The following ZCCHC4 variants were observed in gnomAD, a reference collection of about 807,000 sequenced individuals.
The protein encoded by ZCCHC4 is rRNA N(6)-adenosine-methyltransferase ZCCHC4.
Under a neutral mutation model 67.7 loss-of-function variants are expected in ZCCHC4, and 54 were observed. The ratio of observed to expected loss-of-function variants is 0.80; its 90% CI spans 0.64 to 1.00. The LOEUF is 1.00. Among genes scored for constraint, ZCCHC4 ranks in the 50% least tolerant of loss-of-function variants. The pLI is 0.00. For missense variants in ZCCHC4, 609 were observed against 617.0 expected (o/e 0.99, Z 0.14); for synonymous variants, 198 against 213.5 (o/e 0.93, Z 0.63).
rs567140921 is a variant in ZCCHC4 at position 25,342,338 on chromosome 4, G to A, written c.687-3210G>A. ...GGCACTTTGACTTTGGTTTTTTGGT[G>A]CCTTACAACAGGTTTATCCAAGGTT... On this transcript the variant is annotated intron_variant, in intron 5 of 12. Transcript: ENST00000302874. Among the ~76,000 whole-genome samples, 8 of 152,254 alleles carry A rather than the reference G, an allele frequency of 5.3e-5. No homozygotes were observed. In the East Asian group the frequency reaches 1.5e-3, roughly 29 times the overall value.
At chr4:25,363,680 A>G (rs1490691421) in intron 10 of ZCCHC4, among the ~76,000 whole-genome samples, 1 of 152,214 alleles carries the variant, frequency 6.6e-6, no homozygotes, top group Admixed American at 6.5e-5. Flanking sequence ...GATCGTTTAT[A>G]TTTAGTTTTT....
Position 25,314,036 on chromosome 4 carries a change from C to G in ZCCHC4, c.128-10C>G. On this transcript the variant is annotated splice_polypyrimidine_tract_variant and intron_variant, in intron 1 of 12. Transcript: ENST00000302874. ...GACACTTTTTTTTTTTTTTTCTATT[C>G]TGGAACTAGGACCCACTCTTCTGTT... is the stretch of plus-strand genomic sequence containing the variant. 1.7e-5 allele frequency: 16 copies of G among 926,784 alleles called. No homozygotes were observed. Among genetic ancestry groups the G allele is most frequent in the Non-Finnish European group, 2.3e-5 (15 of 655,556 alleles). The allele number at this position is 926,784 out of a possible 1,614,324, so 57.4% of individuals were successfully genotyped here.
At chr4:25,344,956 C>A (rs527644488) in intron 5 of ZCCHC4, among the ~76,000 whole-genome samples, 1 of 152,112 alleles carries the variant, frequency 6.6e-6, no homozygotes, top group Admixed American at 6.5e-5. Context: ...GCATGCATCA[C>A]CACGCCTGGC....
chr4:25,331,759 A>G (rs1452038205), intron 3 of ZCCHC4, among the ~76,000 whole-genome samples: 1 of 152,186 alleles, frequency 6.6e-6, no homozygotes, highest in Non-Finnish European at 1.5e-5. Context: ...GTTTCTTCTA[A>G]TATCCCTCTA....
At chr4:25,330,688 C>T (rs147056353) in intron 3 of ZCCHC4, among the ~76,000 whole-genome samples, 77 of 152,276 alleles carry the variant, frequency 5.1e-4, no homozygotes, top group African/African-American at 1.8e-3. Flanking sequence ...AGCAACCTTT[C>T]GTGGTTCTAG....
intron 12 of ZCCHC4, among the ~76,000 whole-genome samples, chr4:25,366,956 T>C (rs1720975223): frequency 1.3e-5 from 2 of 152,184 alleles, no homozygotes; most frequent in African/African-American, 4.8e-5. Flanking sequence ...TGATAATTCT[T>C]AAATAATATT....
chr4:25,338,497 C>T (rs527818634), intron 5 of ZCCHC4, among the ~76,000 whole-genome samples: 1 of 152,334 alleles, frequency 6.6e-6, no homozygotes, highest in African/African-American at 2.4e-5. Flanking sequence ...AATTCCACAA[C>T]ATTTTCATCA....
At chr4:25,324,593 A>G (rs1718762004) in intron 3 of ZCCHC4, among the ~76,000 whole-genome samples, 1 of 152,226 alleles carries the variant, frequency 6.6e-6, no homozygotes, top group Non-Finnish European at 1.5e-5. Context: ...TAGCTGGATC[A>G]TATGGTGGAT....
In ZCCHC4 at chr4:25,369,390, T is replaced by A; in HGVS notation, c.*226T>A. The A allele has an allele frequency of 1.9e-6, 1 of 518,328 alleles. No homozygotes were observed. The highest frequency in any genetic ancestry group is 3.3e-6 in the Non-Finnish European group (1 of 299,884). 32.1% of individuals were successfully genotyped at this position (518,328 alleles called of 1,614,324 possible). A position where few individuals can be genotyped will look rare whatever the true frequency, so the allele number is the denominator to read the frequency against. ...AGTTTACTAGTTCTTTCAGCATTCA[T>A]TTTTCCTCACTTTAAGTCTCTCCCA... On this transcript the variant is annotated 3_prime_UTR_variant, in exon 13 of 13. Transcript: ENST00000302874.
intron 3 of ZCCHC4, among the ~76,000 whole-genome samples, chr4:25,317,659 C>T (rs537429643): frequency 1.6e-5 from 2 of 127,784 alleles, no homozygotes; most frequent in Admixed American, 9.9e-5. Flanking sequence ...GAGCCAAGAT[C>T]GTGCGACTAC....
intron 8 of ZCCHC4, among the ~76,000 whole-genome samples, chr4:25,356,333 T>G (rs1193260414): frequency 2.0e-5 from 3 of 152,238 alleles, no homozygotes; most frequent in Admixed American, 1.3e-4. Context: ...ATAGGAGGTT[T>G]ATTTGTGTGG....
chr4:25,366,438 C>T, intron 12 of ZCCHC4: 1 of 277,452 alleles, frequency 3.6e-6, no homozygotes, highest in Non-Finnish European at 5.5e-6. Context: ...GCCTCAGCCT[C>T]CCTAGTAGCT....
chr4:25,336,518 G>T (rs1307934200), intron 5 of ZCCHC4, among the ~76,000 whole-genome samples: 1 of 152,072 alleles, frequency 6.6e-6, no homozygotes, highest in African/African-American at 2.4e-5. Context: ...ACGGAGTCTG[G>T]CTCTGTCACC....
chr4:25,333,082 G>A, intron 3 of ZCCHC4, 101 bp from the exon 4 acceptor site: 1 of 1,201,342 alleles, frequency 8.3e-7, no homozygotes, highest in Non-Finnish European at 1.1e-6. Flanking sequence ...GTACTCTTTA[G>A]GAAGTAAAAA....
intron 8 of ZCCHC4, among the ~76,000 whole-genome samples, chr4:25,358,812 A>G (rs1205523873): frequency 6.6e-6 from 1 of 152,252 alleles, no homozygotes; most frequent in Admixed American, 6.5e-5. Context: ...TGTAAAAGGT[A>G]TAATTACCCT....
intron 8 of ZCCHC4, among the ~76,000 whole-genome samples, chr4:25,358,638 A>G (rs901240722): frequency 6.6e-6 from 1 of 152,212 alleles, no homozygotes; most frequent in African/African-American, 2.4e-5. Flanking sequence ...TCTAAGAGAG[A>G]TGGCTGTGCT....
intron 8 of ZCCHC4, among the ~76,000 whole-genome samples, chr4:25,357,043 TATTTA>T (rs1018665413): frequency 6.6e-6 from 1 of 152,226 alleles, no homozygotes; most frequent in Non-Finnish European, 1.5e-5. Context: ...CAATGCAATT[TATTTA>T]ATAGCTCTAA....
intron 3 of ZCCHC4, among the ~76,000 whole-genome samples, chr4:25,324,014 G>GGTTTTTTTTTTTTTTTTTT (rs777768505): frequency 1.1e-4 from 9 of 82,430 alleles, no homozygotes; most frequent in South Asian, 4.1e-4. Context: ...TGTTTTTTGT[G>GGTTTTTTTTTTTTTTTTTT]TTTTTTTTTT....
intron 3 of ZCCHC4, among the ~76,000 whole-genome samples, chr4:25,326,317 A>G (rs1016622215): frequency 1.3e-5 from 2 of 152,210 alleles, no homozygotes; most frequent in East Asian, 3.8e-4. Context: ...AACCCTTGTA[A>G]TTATGTTGAG....
Sources: allele counts gnomAD v4.1 joint callset (sites outside exome capture counted in the v4.1 genomes callset), GRCh38; gene constraint gnomAD v4.1.1; transcripts MANE v1.5; gene names NCBI Gene and HGNC (gene_info 2026-07-23, HGNC 2026-07-21).